Variants in PLD5 observed in about 807,000 individuals in gnomAD.
PLD5 encodes the protein inactive phospholipase D5.
In PLD5, 36 loss-of-function variants were observed where a neutral mutation model predicts 61.1. The ratio of observed to expected loss-of-function variants is 0.59; its 90% CI spans 0.45 to 0.78. The LOEUF is 0.78. Among genes scored for constraint, PLD5 ranks in the 30% least tolerant of loss-of-function variants. The pLI, the probability that PLD5 is intolerant of heterozygous loss-of-function variation, is 0.00. For synonymous variants in PLD5, 243 were observed against 242.8 expected (o/e 1.00, Z -0.01); for missense variants, 515 against 644.4 (o/e 0.80, Z 2.17).
At position 242,212,802 on chromosome 1, in the gene PLD5, T is replaced by C. The variant is rs141570794; in HGVS notation, c.735+7186A>G. Among the ~76,000 whole-genome samples the C allele has an allele frequency of 4.6e-3, 707 of 152,316 alleles. 3 individuals carry two copies. The highest frequency in any genetic ancestry group is 7.1e-3 in the Non-Finnish European group (484 of 68,020). On this transcript the variant is annotated intron_variant, in intron 5 of 9. Transcript: ENST00000536534. ...TTGTAATTCTATGCTAAGATTTGAG[T>C]AAAATTTAAAAATTTAAAAAACCTC... is the stretch of plus-strand genomic sequence containing the variant.
chr1:242,468,792 T>G (rs191546386), intron 1 of PLD5, among the ~76,000 whole-genome samples: 1 of 152,204 alleles, frequency 6.6e-6, no homozygotes, highest in East Asian at 1.9e-4. Flanking sequence ...ATAATAGCAA[T>G]AACAACCACA....
chr1:242,102,669 TG>T (rs1212123155), intron 8 of PLD5, among the ~76,000 whole-genome samples: 1 of 152,198 alleles, frequency 6.6e-6, no homozygotes, highest in East Asian at 1.9e-4. Flanking sequence ...CCCAGGCTCC[TG>T]GAGACATGCT....
rs1257226232 is a variant in PLD5, at chr1:242,087,360, A to G, written c.*2494T>C. On this transcript the variant is annotated 3_prime_UTR_variant, in exon 10 of 10. Coordinates refer to ENST00000536534, the MANE Select transcript of PLD5 (RefSeq NM_001372062.1). ...TGATGGTCATTCCGTAATGGATGACATTCTCTTCTCGTAGCACATACAGCA... is the reference window on the plus strand; with the variant it reads ...TGATGGTCATTCCGTAATGGATGACGTTCTCTTCTCGTAGCACATACAGCA... 1 of 152,168 alleles carries G rather than the reference A, an allele frequency of 6.6e-6. No homozygotes were observed. Among genetic ancestry groups the G allele is most frequent in the Non-Finnish European group, 1.5e-5 (1 of 68,044 alleles). 9.4% of individuals were successfully genotyped at this position (152,168 alleles called of 1,614,324 possible).
At chr1:242,347,675 G>A (rs2488186) in intron 2 of PLD5, among the ~76,000 whole-genome samples, 1 of 152,162 alleles carries the variant, frequency 6.6e-6, no homozygotes, top group Non-Finnish European at 1.5e-5. Context: ...TCTTCTCATC[G>A]ACACACTTAC....
intron 5 of PLD5, chr1:242,178,437 A>T (rs942065081): frequency 6.6e-6 from 1 of 152,130 alleles, no homozygotes; most frequent in African/African-American, 2.4e-5. Context: ...GAGAGAAATG[A>T]AGCTTTTATC....
chr1:242,453,794 C>A (rs1348025322), intron 1 of PLD5, among the ~76,000 whole-genome samples: 1 of 152,142 alleles, frequency 6.6e-6, no homozygotes. Flanking sequence ...ATAAAAGAAA[C>A]AAGAAAAGTG....
At chr1:242,204,123 G>A (rs887720159) in intron 5 of PLD5, among the ~76,000 whole-genome samples, 3 of 151,410 alleles carry the variant, frequency 2.0e-5, no homozygotes, top group African/African-American at 7.3e-5. Context: ...GGCGCCTGTA[G>A]TCCCAGCTAC....
chr1:242,189,445 C>CAAAAA (rs58476673), intron 5 of PLD5, among the ~76,000 whole-genome samples: 10 of 70,432 alleles, frequency 1.4e-4, no homozygotes, highest in Admixed American at 2.0e-4. Context: ...GACTCCATCT[C>CAAAAA]AAAAAAAAAA....
intron 1 of PLD5, among the ~76,000 whole-genome samples, chr1:242,501,789 A>ATT (rs1553269194): frequency 1.5e-3 from 75 of 50,584 alleles, no homozygotes; most frequent in East Asian, 8.1e-4. Flanking sequence ...TTAATATTCC[A>ATT]TTATATATAT....
At chr1:242,340,496 G>C (rs1232233456) in intron 2 of PLD5, among the ~76,000 whole-genome samples, 1 of 150,074 alleles carries the variant, frequency 6.7e-6, no homozygotes, top group Admixed American at 6.6e-5. Context: ...AAAGTAAGAT[G>C]AAAGTAAAAA....
intron 4 of PLD5, among the ~76,000 whole-genome samples, chr1:242,261,033 C>T (rs187308679): frequency 6.6e-5 from 10 of 152,238 alleles, no homozygotes; most frequent in Middle Eastern, 3.4e-3. Context: ...TATGATAAGA[C>T]GGTTCTAAAA....
chr1:242,208,511 A>G, intron 5 of PLD5, among the ~76,000 whole-genome samples: 1 of 152,174 alleles, frequency 6.6e-6, no homozygotes. Flanking sequence ...TCACTGAAAC[A>G]GCATTTCATA....
intron 2 of PLD5, chr1:242,345,599 G>C: frequency 7.1e-7 from 1 of 1,400,374 alleles, no homozygotes; most frequent in Non-Finnish European, 1.0e-6. Flanking sequence ...GCATCCACCT[G>C]GAGTACCCTC....
intron 1 of PLD5, among the ~76,000 whole-genome samples, chr1:242,477,738 C>CA (rs1667643235): frequency 6.6e-6 from 1 of 152,166 alleles, no homozygotes; most frequent in Admixed American, 6.5e-5. Context: ...ATCAGGGCAT[C>CA]AGGTTCAGTA....
chr1:242,144,167 C>A (rs1423491379), intron 5 of PLD5, among the ~76,000 whole-genome samples: 1 of 122,822 alleles, frequency 8.1e-6, no homozygotes, highest in Non-Finnish European at 1.8e-5. Context: ...CCACACCCAG[C>A]CTCAAATTTT....
At chr1:242,358,764 G>A (rs1346052892) in intron 1 of PLD5, among the ~76,000 whole-genome samples, 2 of 152,220 alleles carry the variant, frequency 1.3e-5, no homozygotes, top group Non-Finnish European at 2.9e-5. Context: ...ATTCCTGATT[G>A]TGGCAAAACT....
rs1674987015 is a variant in PLD5, at chr1:242,285,794, A to C, written c.495+2568T>G. On this transcript the variant is annotated intron_variant, in intron 3 of 9. Coordinates refer to ENST00000536534, the MANE Select transcript of PLD5 (RefSeq NM_001372062.1). ...TAGAAGTAAACTACAGTTTACAATAATCTATTCTCCATTTCAAAATAAGTA... is the reference window on the plus strand; with the variant it reads ...TAGAAGTAAACTACAGTTTACAATACTCTATTCTCCATTTCAAAATAAGTA... Among the ~76,000 whole-genome samples the C allele has an allele frequency of 3.3e-5, 5 of 151,984 alleles. No homozygotes were observed. In the South Asian group the frequency reaches 1.0e-3, roughly 32 times the overall value.
chr1:242,326,470 T>C (rs1376025158), intron 2 of PLD5, among the ~76,000 whole-genome samples: 1 of 152,084 alleles, frequency 6.6e-6, no homozygotes, highest in Non-Finnish European at 1.5e-5. Context: ...CTGACTTCTT[T>C]AGTCTAATCA....
At chr1:242,227,117 C>T (rs1005504646) in intron 4 of PLD5, among the ~76,000 whole-genome samples, 1 of 152,144 alleles carries the variant, frequency 6.6e-6, no homozygotes, top group African/African-American at 2.4e-5. Flanking sequence ...TGTTCCAAAT[C>T]CCATGTGGTA....
Sources: allele counts gnomAD v4.1 joint callset (sites outside exome capture counted in the v4.1 genomes callset), GRCh38; gene constraint gnomAD v4.1.1; transcripts MANE v1.5; gene names NCBI Gene and HGNC (gene_info 2026-07-23, HGNC 2026-07-21).